METTL15: variants seen among roughly 807,000 people sequenced by gnomAD.
The protein encoded by METTL15 is 12S rRNA N(4)-cytidine methyltransferase METTL15.
METTL15 carries 34 observed loss-of-function variants against 38.3 expected under a neutral mutation model. The observed-to-expected ratio is 0.89, with a 90% CI of 0.68 to 1.18. The LOEUF is 1.18. METTL15 is among the 50% of genes most tolerant of loss of function. The probability of loss-of-function intolerance (pLI) is 0.00; values close to 1 mark genes in which losing one functional copy is unlikely to be tolerated. For missense variants in METTL15, 438 were observed against 498.4 expected (o/e 0.88, Z 1.15); for synonymous variants, 162 against 170.9 (o/e 0.95, Z 0.41).
intron 5 of METTL15, among the ~76,000 whole-genome samples, chr11:28,382,531 T>C (rs1345116223): frequency 6.6e-6 from 1 of 152,060 alleles, no homozygotes; most frequent in Non-Finnish European, 1.5e-5. Flanking sequence ...GGGAGGGGTA[T>C]TGTGAATATG....
chr11:28,451,201 T>C (rs1851117551), intron 6 of METTL15, among the ~76,000 whole-genome samples: 1 of 152,116 alleles, frequency 6.6e-6, no homozygotes, highest in Non-Finnish European at 1.5e-5. Flanking sequence ...CCCAGACTAC[T>C]ACAGTGTCTG....
intron 6 of METTL15, among the ~76,000 whole-genome samples, chr11:28,319,531 C>G (rs913975445): frequency 6.6e-6 from 1 of 151,486 alleles, no homozygotes; most frequent in African/African-American, 2.4e-5. Flanking sequence ...TCAAATAAGA[C>G]TACTTACAAT....
intron 5 of METTL15, among the ~76,000 whole-genome samples, chr11:28,401,762 T>A (rs1296847581): frequency 2.0e-5 from 3 of 151,990 alleles, no homozygotes; most frequent in African/African-American, 4.8e-5. Context: ...CCACTACTCC[T>A]TTGTAATTCA....
intron 6 of METTL15, among the ~76,000 whole-genome samples, chr11:28,516,490 G>A (rs957303842): frequency 2.0e-5 from 3 of 152,232 alleles, no homozygotes; most frequent in Non-Finnish European, 4.4e-5. Context: ...TTGCCTATCA[G>A]GTCTTTGTAA....
At chr11:28,164,392 A>C (rs1346006846) in intron 3 of METTL15, among the ~76,000 whole-genome samples, 1 of 152,006 alleles carries the variant, frequency 6.6e-6, no homozygotes, top group Non-Finnish European at 1.5e-5. Context: ...GAACGTATTT[A>C]TTTAAAAGGA....
Position 28,434,207 on chromosome 11 carries a change from G to C in METTL15, c.*424+9843G>C, listed in dbSNP as rs188274333. On this transcript the variant is annotated intron_variant and NMD_transcript_variant, in intron 6 of 7. Transcript: ENST00000532947. ...TATAAGGGGCTTCCCCCTTCACTTG[G>C]CTCTTATTCTTCTCCTTCCTGCCAT... 2.6e-5 allele frequency among the ~76,000 whole-genome samples: 4 copies of C among 152,180 alleles called. No individual in the cohort carries two copies. The East Asian group carries it at 7.7e-4, about 29-fold the overall frequency.
At chr11:28,396,825 A>G (rs1850574815) in intron 5 of METTL15, among the ~76,000 whole-genome samples, 1 of 152,176 alleles carries the variant, frequency 6.6e-6, no homozygotes. Context: ...GCATCCTGCT[A>G]CCTGACTTCA....
chr11:28,503,277 C>G (rs945946545), intron 6 of METTL15, among the ~76,000 whole-genome samples: 4 of 152,174 alleles, frequency 2.6e-5, no homozygotes, highest in African/African-American at 9.7e-5. Flanking sequence ...AAAGTACGAT[C>G]CTTCCCCAGG....
At chr11:28,263,047 T>TA (rs1041379702) in intron 4 of METTL15, among the ~76,000 whole-genome samples, 1 of 152,100 alleles carries the variant, frequency 6.6e-6, no homozygotes, top group African/African-American at 2.4e-5. Context: ...TTTAATCTCT[T>TA]AAAAAATGAT....
At chr11:28,478,056 C>T (rs1584035) in intron 6 of METTL15, among the ~76,000 whole-genome samples, 79,901 of 151,904 alleles carry the variant, frequency 0.53, 21,450 homozygotes, top group East Asian at 0.74. Flanking sequence ...TTAGCATGGC[C>T]AAACTCTCTT....
chr11:28,251,355 A>G (rs1854734983), intron 4 of METTL15, among the ~76,000 whole-genome samples: 1 of 152,074 alleles, frequency 6.6e-6, no homozygotes, highest in Admixed American at 6.6e-5. Flanking sequence ...AAATTTTGTA[A>G]GTAAGAAAGC....
At chr11:28,530,614 C>T (rs1205157594), downstream of METTL15, among the ~76,000 whole-genome samples, 1 of 152,070 alleles carries the variant, frequency 6.6e-6, no homozygotes, top group Non-Finnish European at 1.5e-5. Flanking sequence ...CATAACGTCA[C>T]TGAACATACC....
chr11:28,517,575 G>A (rs1299992552), intron 6 of METTL15, among the ~76,000 whole-genome samples: 1 of 152,130 alleles, frequency 6.6e-6, no homozygotes, highest in African/African-American at 2.4e-5. Flanking sequence ...CTTTCTGGAT[G>A]CTGAAACACA....
At chr11:28,196,390 G>A (rs1020307732) in intron 3 of METTL15, among the ~76,000 whole-genome samples, 2 of 151,854 alleles carry the variant, frequency 1.3e-5, no homozygotes, top group African/African-American at 4.8e-5. Flanking sequence ...GCAGTGTTTT[G>A]TAGCTCACCT....
At chr11:28,379,024 G>A (rs921205162) in intron 5 of METTL15, among the ~76,000 whole-genome samples, 5 of 151,726 alleles carry the variant, frequency 3.3e-5, no homozygotes, top group African/African-American at 1.2e-4. Context: ...GTTCATAATA[G>A]TCTCTAATGA....
intron 6 of METTL15, among the ~76,000 whole-genome samples, chr11:28,329,740 A>G (rs549697420): frequency 6.6e-6 from 1 of 152,136 alleles, no homozygotes; most frequent in East Asian, 1.9e-4. Flanking sequence ...TTTCCTTTCA[A>G]TTTCTTGAAT....
At chr11:28,516,043 T>G (rs962989347) in intron 6 of METTL15, among the ~76,000 whole-genome samples, 1 of 152,254 alleles carries the variant, frequency 6.6e-6, no homozygotes, top group Non-Finnish European at 1.5e-5. Context: ...ACTCATCAAG[T>G]GTACCCTATG....
rs1375810475 is a variant in METTL15 at position 28,479,920 on chromosome 11, T to C, written c.*425-46558T>C. Among the ~76,000 whole-genome samples, 5 of 152,238 alleles carry C rather than the reference T, an allele frequency of 3.3e-5. No individual in the cohort carries two copies. The East Asian group carries it at 9.6e-4, about 29-fold the overall frequency. On this transcript the variant is annotated intron_variant and NMD_transcript_variant, in intron 6 of 7. Coordinates refer to the METTL15 transcript ENST00000532947. ...CTAACAAAGTGCTTTTGTTGATTTT[T>C]GCTGAACCCTTTTATCTTCACCTTA...
chr11:28,143,804 C>T (rs1849784351), intron 3 of METTL15, among the ~76,000 whole-genome samples: 1 of 152,112 alleles, frequency 6.6e-6, no homozygotes, highest in African/African-American at 2.4e-5. Flanking sequence ...ATATCTTGAT[C>T]GTTGAGTAGT....
Sources: gnomAD v4.1 joint callset for allele counts (sites outside exome capture counted in the v4.1 genomes callset) on GRCh38, gnomAD v4.1.1 for gene constraint, MANE v1.5 for transcripts, NCBI Gene and HGNC (gene_info 2026-07-23, HGNC 2026-07-21) for gene names.